The following RBFOX1 variants were observed in gnomAD, a reference collection of about 807,000 sequenced individuals.
The protein encoded by RBFOX1 is RNA binding protein fox-1 homolog 1.
RBFOX1 carries 8 observed loss-of-function variants against 57.7 expected under a neutral mutation model. The ratio of observed to expected loss-of-function variants is 0.14; its 90% CI spans 0.08 to 0.25. The LOEUF is 0.25. RBFOX1 is among the 10% of genes least tolerant of loss of function. The pLI, the probability that RBFOX1 is intolerant of heterozygous loss-of-function variation, is 1.00. For missense variants in RBFOX1, 611 were observed against 548.5 expected (o/e 1.11, Z -1.14); for synonymous variants, 326 against 222.4 (o/e 1.47, Z -4.15).
chr16:6,411,051 C>A (rs2093443671), intron 2 of RBFOX1, among the ~76,000 whole-genome samples: 1 of 152,192 alleles, frequency 6.6e-6, no homozygotes, highest in African/African-American at 2.4e-5. Context: ...TCCCGCTGCT[C>A]ACAGGAGAAG....
At position 7,316,987 on chromosome 16, in the gene RBFOX1, A is replaced by AC. The variant is rs1568178930; in HGVS notation, c.28-201160_28-201159insC. On this transcript the variant is annotated intron_variant, in intron 4 of 15. Coordinates refer to ENST00000550418, the MANE Select transcript of RBFOX1 (RefSeq NM_018723.4). The stretch of plus-strand genomic sequence containing the variant: ...GAACACACACACACACACACACACA[A>AC]ACACACACACACACAATAAGAGGGT... 2.8e-3 allele frequency among the ~76,000 whole-genome samples: 129 copies of AC among 45,914 alleles called. 1 individual carries two copies. Among genetic ancestry groups the AC allele is most frequent in the African/African-American group, 8.0e-3 (114 of 14,214 alleles). 30.1% of individuals were successfully genotyped at this position (45,914 alleles called of 152,430 possible).
intron 3 of RBFOX1, among the ~76,000 whole-genome samples, chr16:6,889,023 A>T (rs1029280274): frequency 6.6e-6 from 1 of 152,198 alleles, no homozygotes; most frequent in Non-Finnish European, 1.5e-5. Context: ...ATAAGTCTTC[A>T]GGGAATTGCA....
chr16:7,044,741 T>C lies in RBFOX1; in HGVS notation c.-15-7316T>C, dbSNP rs187114581. On this transcript the variant is annotated intron_variant, in intron 3 of 15. Coordinates refer to ENST00000550418, the MANE Select transcript of RBFOX1 (RefSeq NM_018723.4). Reference sequence around the variant, plus strand: ...ATGTTAGTTTCCAAATGAAATGACATTTGATAAAGTGTACATTTAAGATAT... The same window carrying C: ...ATGTTAGTTTCCAAATGAAATGACACTTGATAAAGTGTACATTTAAGATAT... Among the ~76,000 whole-genome samples the C allele has an allele frequency of 1.0e-3, 157 of 152,304 alleles. 1 individual carries two copies. Among genetic ancestry groups the C allele is most frequent in the South Asian group, 1.9e-3 (9 of 4,822 alleles).
chr16:6,789,211 T>C (rs2082488778), intron 3 of RBFOX1, among the ~76,000 whole-genome samples: 1 of 152,118 alleles, frequency 6.6e-6, no homozygotes, highest in African/African-American at 2.4e-5. Context: ...AGTCATGAAA[T>C]GCACGTGACA....
rs147971591 is a variant in RBFOX1, at chr16:6,892,475, G to C, written c.-15-159582G>C. Among the ~76,000 whole-genome samples the C allele has an allele frequency of 2.5e-3, 377 of 152,204 alleles. 4 individuals are homozygous for C. Among genetic ancestry groups the C allele is most frequent in the African/African-American group, 8.5e-3 (353 of 41,538 alleles). On this transcript the variant is annotated intron_variant, in intron 3 of 15. Transcript: ENST00000550418. The stretch of plus-strand genomic sequence containing the variant: ...CCTTGAGGTCAGACGTTTGAGACCA[G>C]CCTGGCCAACACGGTGAAACCCTGA...
intron 1 of RBFOX1, among the ~76,000 whole-genome samples, chr16:5,324,161 T>C (rs2064493812): frequency 6.6e-6 from 1 of 152,104 alleles, no homozygotes; most frequent in Admixed American, 6.5e-5. Flanking sequence ...ACCTGGAAGC[T>C]CCTTGGAAAT....
rs1198433184 is a variant in RBFOX1 at position 7,169,257 on chromosome 16, G to T, written c.27+117159G>T. ...GAAAATCATAATAACATATTATTAT[G>T]TGATGTAATGCTAAGAATTTTGAGT... On this transcript the variant is annotated intron_variant, in intron 4 of 15. Coordinates refer to ENST00000550418, the MANE Select transcript of RBFOX1 (RefSeq NM_018723.4). Among the ~76,000 whole-genome samples, 3 of 152,208 alleles carry T rather than the reference G, an allele frequency of 2.0e-5. No individual in the cohort carries two copies. In the East Asian group the frequency reaches 5.8e-4, roughly 29 times the overall value.
At chr16:7,044,895 A>G (rs943386604) in intron 3 of RBFOX1, among the ~76,000 whole-genome samples, 1 of 152,096 alleles carries the variant, frequency 6.6e-6, no homozygotes, top group African/African-American at 2.4e-5. Context: ...ATGGTTATGG[A>G]GAAAATTTTT....
At chr16:6,936,120 C>T (rs932721306) in intron 3 of RBFOX1, among the ~76,000 whole-genome samples, 4 of 152,162 alleles carry the variant, frequency 2.6e-5, no homozygotes, top group African/African-American at 9.7e-5. Flanking sequence ...TCCGGGGGTT[C>T]AGCTTCTGTA....
chr16:6,537,525 G>T (rs538873399), intron 2 of RBFOX1, among the ~76,000 whole-genome samples: 4 of 152,182 alleles, frequency 2.6e-5, no homozygotes, highest in Admixed American at 2.6e-4. Flanking sequence ...TGATGTGATC[G>T]AGTTGCTGAG....
intron 2 of RBFOX1, among the ~76,000 whole-genome samples, chr16:6,480,417 G>A (rs920026982): frequency 1.3e-5 from 2 of 152,156 alleles, no homozygotes; most frequent in South Asian, 2.1e-4. Context: ...AAACAAATGG[G>A]CATAGCTATG....
At chr16:7,159,878 C>G (rs1302616129) in intron 4 of RBFOX1, among the ~76,000 whole-genome samples, 3 of 152,174 alleles carry the variant, frequency 2.0e-5, no homozygotes, top group Admixed American at 6.5e-5. Context: ...TGGCTTTGAT[C>G]ATATATACTA....
chr16:5,528,610 T>C (rs902621800), intron 2 of RBFOX1, among the ~76,000 whole-genome samples: 1 of 149,264 alleles, frequency 6.7e-6, no homozygotes, highest in African/African-American at 2.5e-5. Flanking sequence ...CTCTCTCTCT[T>C]TATCTTTCCT....
intron 3 of RBFOX1, among the ~76,000 whole-genome samples, chr16:5,634,123 C>A (rs557549549): frequency 6.6e-6 from 1 of 152,310 alleles, no homozygotes; most frequent in African/African-American, 2.4e-5. Flanking sequence ...CTTTTATAGC[C>A]ACTGGCCTCA....
chr16:5,443,058 A>C (rs972570237), intron 1 of RBFOX1, among the ~76,000 whole-genome samples: 1 of 152,202 alleles, frequency 6.6e-6, no homozygotes, highest in African/African-American at 2.4e-5. Context: ...GGCAAGGAAC[A>C]GTCCTCCTCT....
chr16:6,331,127 G>C (rs1019429180), intron 2 of RBFOX1, among the ~76,000 whole-genome samples: 1 of 152,154 alleles, frequency 6.6e-6, no homozygotes, highest in African/African-American at 2.4e-5. Context: ...GCTTGAAGAG[G>C]AGGCAAAAAG....
chr16:7,363,495 G>GAA (rs138475943), intron 4 of RBFOX1, among the ~76,000 whole-genome samples: 75 of 149,350 alleles, frequency 5.0e-4, no homozygotes, highest in East Asian at 8.0e-4. Context: ...GCTAATAAAG[G>GAA]AAAAAAAAAA....
intron 3 of RBFOX1, among the ~76,000 whole-genome samples, chr16:5,613,250 C>T (rs2047889682): frequency 6.6e-6 from 1 of 152,198 alleles, no homozygotes; most frequent in South Asian, 2.1e-4. Flanking sequence ...TGTGGGTGGA[C>T]ATCCTTCAAG....
At chr16:6,635,544 T>A (rs2098424478) in intron 2 of RBFOX1, among the ~76,000 whole-genome samples, 2 of 152,048 alleles carry the variant, frequency 1.3e-5, no homozygotes, top group African/African-American at 4.8e-5. Flanking sequence ...GTGAGCCAAG[T>A]TTCTGGAAAA....
Sources: gnomAD v4.1 joint callset for allele counts (sites outside exome capture counted in the v4.1 genomes callset) on GRCh38, gnomAD v4.1.1 for gene constraint, MANE v1.5 for transcripts, NCBI Gene and HGNC (gene_info 2026-07-23, HGNC 2026-07-21) for gene names.